Variants in AUTS2 observed in about 807,000 individuals in gnomAD.
AUTS2 encodes the protein activator of transcription and developmental regulator AUTS2.
In AUTS2, 17 loss-of-function variants were observed where a neutral mutation model predicts 112.4. The observed-to-expected ratio is 0.15, with a 90% CI of 0.10 to 0.23. AUTS2 has a LOEUF of 0.23. Ranked by LOEUF, AUTS2 falls within the 10% of genes least tolerant of loss-of-function variation. AUTS2 has a pLI of 1.00. For synonymous variants in AUTS2, 751 were observed against 702.7 expected (o/e 1.07, Z -1.09); for missense variants, 1,510 against 1,701.6 (o/e 0.89, Z 1.98).
intron 1 of AUTS2, among the ~76,000 whole-genome samples, chr7:69,862,841 C>CT (rs1207254105): frequency 6.6e-6 from 1 of 152,030 alleles, no homozygotes; most frequent in African/African-American, 2.4e-5. Flanking sequence ...GGGATTCTGT[C>CT]TAAGATTATC....
intron 1 of AUTS2, among the ~76,000 whole-genome samples, chr7:69,691,157 T>C (rs995128548): frequency 2.0e-4 from 30 of 152,174 alleles, no homozygotes; most frequent in Admixed American, 9.2e-4. Flanking sequence ...AAGTATGTGC[T>C]GATTGGTCCA....
chr7:70,615,441 G>C (rs1368474466), intron 5 of AUTS2, among the ~76,000 whole-genome samples: 1 of 152,176 alleles, frequency 6.6e-6, no homozygotes, highest in Non-Finnish European at 1.5e-5. Context: ...GCAGAGGCTT[G>C]AGAGGCCCCT....
intron 1 of AUTS2, among the ~76,000 whole-genome samples, chr7:69,839,902 A>T (rs1791898330): frequency 6.6e-6 from 1 of 152,098 alleles, no homozygotes. Flanking sequence ...ATGGGGAAAG[A>T]TAAAGAGGCA....
intron 1 of AUTS2, among the ~76,000 whole-genome samples, chr7:69,869,543 T>TATAC (rs397735732): frequency 5.9e-5 from 9 of 151,560 alleles, no homozygotes; most frequent in African/African-American, 1.9e-4. Context: ...TATATATATA[T>TATAC]ACACACACAC....
chr7:69,860,797 G>A (rs1198798687), intron 1 of AUTS2, among the ~76,000 whole-genome samples: 1 of 152,194 alleles, frequency 6.6e-6, no homozygotes, highest in Non-Finnish European at 1.5e-5. Context: ...ACAGGGTTCT[G>A]AGGGTACTGC....
At chr7:69,706,396 G>A (rs999723278) in intron 1 of AUTS2, among the ~76,000 whole-genome samples, 3 of 152,108 alleles carry the variant, frequency 2.0e-5, no homozygotes, top group African/African-American at 4.8e-5. Context: ...TCCTGCAGCC[G>A]GCCTGGAGAA....
intron 4 of AUTS2, among the ~76,000 whole-genome samples, chr7:70,234,223 A>G (rs1812201562): frequency 6.6e-6 from 1 of 152,160 alleles, no homozygotes; most frequent in Admixed American, 6.5e-5. Flanking sequence ...GTATTATATC[A>G]TATTTATTTA....
At chr7:70,220,735 G>C (rs1221839784) in intron 4 of AUTS2, among the ~76,000 whole-genome samples, 3 of 152,150 alleles carry the variant, frequency 2.0e-5, no homozygotes, top group African/African-American at 7.2e-5. Flanking sequence ...TTAGAGGAAG[G>C]GGGAACTGAG....
intron 4 of AUTS2, among the ~76,000 whole-genome samples, chr7:70,363,172 A>G (rs372715101): frequency 6.6e-6 from 1 of 152,184 alleles, no homozygotes; most frequent in Non-Finnish European, 1.5e-5. Context: ...GTTTGGATCC[A>G]TTCTGTGGAT....
chr7:70,726,755 A>G (rs559500465), intron 6 of AUTS2, among the ~76,000 whole-genome samples: 12 of 152,200 alleles, frequency 7.9e-5, no homozygotes, highest in Non-Finnish European at 1.6e-4. Context: ...CAAGTCAGAG[A>G]GGCTTAAACA....
At chr7:70,261,902 A>G (rs1331283206) in intron 4 of AUTS2, among the ~76,000 whole-genome samples, 3 of 152,156 alleles carry the variant, frequency 2.0e-5, no homozygotes, top group Non-Finnish European at 4.4e-5. Context: ...TATATTGTCT[A>G]TTTGGCTTAT....
intron 4 of AUTS2, among the ~76,000 whole-genome samples, chr7:70,171,348 G>A (rs549817850): frequency 2.6e-4 from 40 of 152,204 alleles, no homozygotes; most frequent in Admixed American, 5.2e-4. Context: ...TTTACCCTTC[G>A]CAGTTCTATT....
chr7:70,568,302 A>G (rs559500416), intron 5 of AUTS2, among the ~76,000 whole-genome samples: 5 of 152,348 alleles, frequency 3.3e-5, no homozygotes, highest in African/African-American at 1.2e-4. Context: ...GACCTTGAGC[A>G]GTTTCCTTAA....
chr7:70,659,711 T>A (rs1416316549), intron 5 of AUTS2, among the ~76,000 whole-genome samples: 1 of 152,258 alleles, frequency 6.6e-6, no homozygotes, highest in Non-Finnish European at 1.5e-5. Context: ...GGCGCTTCTT[T>A]ATTTTCTAGT....
chr7:69,746,978 CATT>C (rs747018993), intron 1 of AUTS2, among the ~76,000 whole-genome samples: 5 of 152,166 alleles, frequency 3.3e-5, no homozygotes, highest in African/African-American at 4.8e-5. Context: ...AAGAGCCTGG[CATT>C]GTTGGCATTT....
chr7:70,036,361 A>G (rs987014523), intron 2 of AUTS2, among the ~76,000 whole-genome samples: 5 of 152,266 alleles, frequency 3.3e-5, no homozygotes, highest in Non-Finnish European at 5.9e-5. Context: ...TGGCTAGAAC[A>G]ATTAAAAGCT....
chr7:70,647,260 CA>C (rs1323098757), intron 5 of AUTS2, among the ~76,000 whole-genome samples: 1 of 152,226 alleles, frequency 6.6e-6, no homozygotes, highest in Non-Finnish European at 1.5e-5. Context: ...CTTATCCACA[CA>C]GCGAAAAACA....
chr7:69,962,098 A>AG (rs1249589495), intron 2 of AUTS2, among the ~76,000 whole-genome samples: 5 of 152,114 alleles, frequency 3.3e-5, no homozygotes, highest in African/African-American at 1.2e-4. Flanking sequence ...AGGGGAAGGA[A>AG]CCTTGGAACT....
intron 3 of AUTS2, chr7:70,118,957 C>G (rs1761903202): frequency 6.6e-6 from 1 of 150,986 alleles, no homozygotes; most frequent in South Asian, 2.1e-4. Context: ...TTTGGACTCT[C>G]TTACCTTCTT....
Sources: allele counts gnomAD v4.1 joint callset (sites outside exome capture counted in the v4.1 genomes callset), GRCh38; gene constraint gnomAD v4.1.1; transcripts MANE v1.5; gene names NCBI Gene and HGNC (gene_info 2026-07-23, HGNC 2026-07-21).